LCMT2: variants seen among roughly 807,000 people sequenced by gnomAD.
LCMT2 encodes the protein tRNA wybutosine-synthesizing protein 4.
A neutral mutation model predicts 42.0 loss-of-function variants in LCMT2; 34 were observed. That is an observed-to-expected ratio of 0.81 (90% CI 0.62 to 1.08). The LOEUF (loss-of-function observed/expected upper bound fraction) is 1.08, where lower values mean the gene tolerates loss of function less well. Ranked by LOEUF, LCMT2 falls within the 50% of genes least tolerant of loss-of-function variation. The pLI is 0.00. For synonymous variants in LCMT2, 445 were observed against 369.5 expected, an observed-to-expected ratio of 1.20 and a Z score of -2.34; for missense variants, 1,091 against 889.4, an observed-to-expected ratio of 1.23 and a Z score of -2.88.
chr15:43,329,021 T>G lies in LCMT2; in HGVS notation c.1469A>C (p.Gln490Pro). 6.2e-7 allele frequency: 1 copy of G among 1,614,236 alleles called. No individual in the cohort carries two copies. Among genetic ancestry groups the G allele is most frequent in the Non-Finnish European group, 8.5e-7 (1 of 1,180,048 alleles). ...ATACACAAACAAATATTCCTGATTCTGACAGGACACTTCTGTTGTTGAATG... is the reference window on the plus strand; with the variant it reads ...ATACACAAACAAATATTCCTGATTCGGACAGGACACTTCTGTTGTTGAATG... The part of the protein sequence containing the change: ...WRHSTTEVSC[Q>P]NQEYLFVYGG... The change falls in exon 1 of 1, where the codon CAG (glutamine) becomes CCG (proline). Residue 490 changes from glutamine to proline, a missense_variant. Gln to Pro is a moderately conservative substitution (Grantham distance 76). Transcript: ENST00000305641.
chr15:43,328,255 G>T lies in LCMT2; in HGVS notation c.*174C>A, dbSNP rs1295994100. The T allele has an allele frequency of 4.9e-5, 32 of 652,262 alleles. 1 individual carries two copies. In the South Asian group the frequency reaches 6.0e-4, roughly 12 times the overall value. 40.4% of individuals were successfully genotyped at this position (652,262 alleles called of 1,614,324 possible). A position where few individuals can be genotyped will look rare whatever the true frequency, so the allele number is the denominator to read the frequency against. On this transcript the variant is annotated 3_prime_UTR_variant, in exon 1 of 1. Transcript: ENST00000305641. Reference sequence around the variant, plus strand: ...TCTTCAGCTGTTTTCTGTAGTGATTGTTTCTAGGTATTTTACCTATTTTAC... The same window carrying T: ...TCTTCAGCTGTTTTCTGTAGTGATTTTTTCTAGGTATTTTACCTATTTTAC...
chr15:43,329,530 G>A lies in LCMT2; in HGVS notation c.960C>T (p.Thr320=), dbSNP rs2043151141. The A allele has an allele frequency of 1.9e-6, 3 of 1,614,070 alleles. No homozygotes were observed. The highest frequency in any genetic ancestry group is 1.3e-5 in the African/African-American group (1 of 74,948). Residue 320 remains threonine, a synonymous_variant, in exon 1 of 1, where the codon ACC becomes ACT. Transcript: ENST00000305641. The stretch of plus-strand genomic sequence containing the variant: ...ATGCCTCTGAGGATGGAAACACTAG[G>A]GTGTGGGAGAGGGTGTCTCCCCTAG... ...AASRGDTLSH[T]LVFPSSEAFP...
At position 43,329,990 on chromosome 15, in the gene LCMT2, C is replaced by T. The variant is rs774538832; in HGVS notation, c.500G>A (p.Arg167Gln). 1.9e-6 allele frequency: 3 copies of T among 1,612,518 alleles called. No homozygotes were observed. The highest frequency in any genetic ancestry group is 1.1e-5 in the South Asian group (1 of 91,084). Residue 167 changes from arginine to glutamine, a missense_variant, in exon 1 of 1, where the codon CGA (arginine) becomes CAA (glutamine). By Grantham distance (43) the Arg-to-Gln change is conservative. Transcript: ENST00000305641. The stretch of plus-strand genomic sequence containing the variant: ...CGCGGCGCCCAGGGCCTCCTCCACT[C>T]GCTGGAGCTGCCGCAAGTCCAGACC... ...ILGLDLRQLQRVEEALGAAGL... is the reference protein window; with the variant it reads ...ILGLDLRQLQQVEEALGAAGL...
chr15:43,328,696 C>T lies in LCMT2; in HGVS notation c.1794G>A (p.Leu598=). The part of the protein sequence containing the change: ...SHTAHVLNGK[L]LLVGGIWIHS... The stretch of plus-strand genomic sequence containing the variant: ...GAATCCAGATCCCTCCAACCAGTAA[C>T]AGCTTTCCATTGAGCACATGAGCTG... The change falls in exon 1 of 1, where the codon CTG becomes CTA. Residue 598 remains leucine (L), a synonymous_variant. Coordinates refer to ENST00000305641, the MANE Select transcript of LCMT2 (RefSeq NM_014793.5). 6.2e-7 allele frequency: 1 copy of T among 1,614,228 alleles called. No homozygotes were observed. The highest frequency in any genetic ancestry group is 8.5e-7 in the Non-Finnish European group (1 of 1,180,040).
chr15:43,330,293 C>T lies in LCMT2; in HGVS notation c.197G>A (p.Cys66Tyr), dbSNP rs758781799. The change falls in exon 1 of 1, where the codon TGC becomes TAC. Residue 66 changes from cysteine (C) to tyrosine (Y), a missense_variant. Cys to Tyr is a radical substitution (Grantham distance 194). Transcript: ENST00000305641. ...YYVRARAVRHCVRAFLEQIGA... is the reference protein window; with the variant it reads ...YYVRARAVRHYVRAFLEQIGA... Reference sequence around the variant, plus strand: ...AATCTGCTCCAAAAAAGCGCGCACGCAGTGCCTCACGGCGCGTGCGCGGAC... The same window carrying T: ...AATCTGCTCCAAAAAAGCGCGCACGTAGTGCCTCACGGCGCGTGCGCGGAC... The T allele has an allele frequency of 1.9e-6, 3 of 1,594,476 alleles. No individual in the cohort carries two copies. In the South Asian group the frequency reaches 3.4e-5, roughly 18 times the overall value.
chr15:43,329,286 C>T lies in LCMT2; in HGVS notation c.1204G>A (p.Gly402Ser), dbSNP rs750456550. The T allele has an allele frequency of 6.8e-6, 11 of 1,614,062 alleles. No individual in the cohort carries two copies. Among genetic ancestry groups the T allele is most frequent in the Non-Finnish European group, 9.3e-6 (11 of 1,180,028 alleles). The stretch of plus-strand genomic sequence containing the variant: ...GTCCCACAACTGCCTATTTGGCTGC[C>T]TTTCCATTCAGAGTCACAATCTCTT... ...LSRDCDSEWK[G>S]SQIGSCGTGV... Residue 402 changes from glycine (G) to serine (S), a missense_variant, in exon 1 of 1, where the codon GGC becomes AGC. Gly to Ser is a moderately conservative substitution (Grantham distance 56). Coordinates refer to ENST00000305641, the MANE Select transcript of LCMT2 (RefSeq NM_014793.5).
At position 43,328,430 on chromosome 15, in the gene LCMT2, T is replaced by C. The variant is rs1218607843; in HGVS notation, c.2060A>G (p.Ter687=). The C allele has an allele frequency of 1.9e-6, 3 of 1,612,260 alleles. No homozygotes were observed. Among genetic ancestry groups the C allele is most frequent in the South Asian group, 1.1e-5 (1 of 90,858 alleles). The change falls in exon 1 of 1, where the codon TAA becomes TGA. Residue 687 remains the stop codon, a stop_retained_variant. Transcript: ENST00000305641. ...GGGTCCTGAATATTAGTCCAGTCCTTACTGCCCAGCACTTAAGGAAGAAAG... is the reference window on the plus strand; with the variant it reads ...GGGTCCTGAATATTAGTCCAGTCCTCACTGCCCAGCACTTAAGGAAGAAAG... ...LDLSSLSAGQ[*]
chr15:43,325,260 C>G lies in LCMT2; in HGVS notation c.*3169G>C, dbSNP rs1462415008. 1 of 152,178 alleles carries G rather than the reference C, an allele frequency of 6.6e-6. No individual in the cohort carries two copies. The allele number at this position is 152,178 out of a possible 1,614,324, so 9.4% of individuals were successfully genotyped here. The stretch of plus-strand genomic sequence containing the variant: ...CTGTTCATTAACTCTCATAACTACT[C>G]CAGAGCTCCGTATCAGAATTTTAGA... On this transcript the variant is annotated 3_prime_UTR_variant, in exon 1 of 1. Coordinates refer to ENST00000305641, the MANE Select transcript of LCMT2 (RefSeq NM_014793.5).
rs2043169775 is a variant in LCMT2 at position 43,330,268 on chromosome 15, A to C, written c.222T>G (p.Ile74Met). The change falls in exon 1 of 1, where the codon ATT becomes ATG. Residue 74 changes from isoleucine (I) to methionine (M), a missense_variant. Physicochemically the swap from Ile to Met is conservative, Grantham distance 10 (BLOSUM62 1). Transcript: ENST00000305641. ...RHCVRAFLEQ[I>M]GAPQAALRAQ... ...CGCGAAGCGCGGCCTGGGGCGCGCC[A>C]ATCTGCTCCAAAAAAGCGCGCACGC... 3.8e-6 allele frequency: 6 copies of C among 1,599,368 alleles called. No individual in the cohort carries two copies. The highest frequency in any genetic ancestry group is 4.2e-6 in the Non-Finnish European group (5 of 1,177,130).
At position 43,328,810 on chromosome 15, in the gene LCMT2, G is replaced by A. The variant is rs1359987233; in HGVS notation, c.1680C>T (p.Asn560=). 6.2e-7 allele frequency: 1 copy of A among 1,613,498 alleles called. No individual in the cohort carries two copies. The highest frequency in any genetic ancestry group is 2.2e-5 in the East Asian group (1 of 44,886). Residue 560 remains asparagine, a synonymous_variant, in exon 1 of 1, where the codon AAC becomes AAT. Coordinates refer to ENST00000305641, the MANE Select transcript of LCMT2 (RefSeq NM_014793.5). ...AGATTGGTCTCAGAAAGAGCACAGAGTTCAATGGCTCCTCAGAAGCCCCGA... is the reference window on the plus strand; with the variant it reads ...AGATTGGTCTCAGAAAGAGCACAGAATTCAATGGCTCCTCAGAAGCCCCGA... ...GGLGASEEPL[N]SVLFLRPISC...
chr15:43,330,209 G>T lies in LCMT2; in HGVS notation c.281C>A (p.Ser94Ter), dbSNP rs747111456. 1 of 1,611,572 alleles carries T rather than the reference G, an allele frequency of 6.2e-7. No individual in the cohort carries two copies. The highest frequency in any genetic ancestry group is 8.5e-7 in the Non-Finnish European group (1 of 1,179,856). The change falls in exon 1 of 1, where the codon TCG becomes TAG. Residue 94 changes from serine to a stop codon, truncating the protein, a stop_gained. Coordinates refer to ENST00000305641, the MANE Select transcript of LCMT2 (RefSeq NM_014793.5). LOFTEE classifies it high-confidence loss of function. ...QILSLGAGFDSLYFRLKTAGR... is the reference protein window; with the variant it reads ...QILSLGAGFD ...CGCGGTTTTTAAGCGAAAATAGAGC[G>T]AGTCGAAGCCAGCGCCGAGAGACAA... is the stretch of plus-strand genomic sequence containing the variant.
rs371881224 is a variant in LCMT2, at chr15:43,328,851, G to C, written c.1639C>G (p.Leu547Val). ...HSACTWQGGALIAGGLGASEE... is the reference protein window; with the variant it reads ...HSACTWQGGAVIAGGLGASEE... ...GAAGCCCCGAGACCTCCAGCAATAA[G>C]GGCTCCCCCTTGCCAAGTGCAGGCA... Residue 547 changes from leucine (L) to valine (V), a missense_variant, in exon 1 of 1, where the codon CTT becomes GTT. By Grantham distance (32) the Leu-to-Val change is conservative. Coordinates refer to ENST00000305641, the MANE Select transcript of LCMT2 (RefSeq NM_014793.5). 1.5e-5 allele frequency: 24 copies of C among 1,613,602 alleles called. No individual in the cohort carries two copies. The African/African-American group carries it at 1.7e-4, about 12-fold the overall frequency.
Position 43,330,181 on chromosome 15 carries a change from G to A in LCMT2, c.309C>T (p.Gly103=), listed in dbSNP as rs541296431. Residue 103 remains glycine, a synonymous_variant, in exon 1 of 1, where the codon GGC becomes GGT. Transcript: ENST00000305641. ...CCCAGACTGCAGCCCGGGCCAGGCG[G>A]CCCGCGGTTTTTAAGCGAAAATAGA... ...DSLYFRLKTA[G]RLARAAVWEV... 14 of 1,611,638 alleles carry A rather than the reference G, an allele frequency of 8.7e-6. No homozygotes were observed. The East Asian group carries it at 2.5e-4, about 28-fold the overall frequency.
In LCMT2 at chr15:43,328,743, TG is replaced by T; in HGVS notation, c.1746del (p.Ile583LeufsTer32). On this transcript the variant is annotated frameshift_variant, in exon 1 of 1. Coordinates refer to ENST00000305641, the MANE Select transcript of LCMT2 (RefSeq NM_014793.5). LOFTEE classifies it high-confidence loss of function. Reference protein sequence around the residue: ...FLWESVDIQPPITPRYSHTAH... With the variant: ...FLWESVDIQPXITPRYSHTAH... ...GCTGTGTGGGAGTACCTTGGGGTAA[TG>T]GGAGGCTGGATGTCTACTGACTCCC... The T allele has an allele frequency of 6.2e-7, 1 of 1,613,886 alleles. No homozygotes were observed.
At position 43,328,596 on chromosome 15, in the gene LCMT2, T is replaced by C. The variant is rs749919553; in HGVS notation, c.1894A>G (p.Thr632Ala). The C allele has an allele frequency of 6.2e-7, 1 of 1,614,188 alleles. No individual in the cohort carries two copies. Among genetic ancestry groups the C allele is most frequent in the East Asian group, 2.2e-5 (1 of 44,894 alleles). The change falls in exon 1 of 1, where the codon ACA becomes GCA. Residue 632 changes from threonine to alanine, a missense_variant. By Grantham distance (58) the Thr-to-Ala change is moderately conservative. Coordinates refer to ENST00000305641, the MANE Select transcript of LCMT2 (RefSeq NM_014793.5). ...AACATTAATGGCCATGGCACATATG[T>C]TGTGTCAATCTGATACTCAGAGCTC... is the stretch of plus-strand genomic sequence containing the variant. ...GLSSEYQIDT[T>A]YVPWPLMLHN...
rs768550246 is a variant in LCMT2, at chr15:43,328,767, C to T, written c.1723G>A (p.Glu575Lys). The T allele has an allele frequency of 6.2e-7, 1 of 1,613,610 alleles. No individual in the cohort carries two copies. Among genetic ancestry groups the T allele is most frequent in the South Asian group, 1.1e-5 (1 of 91,078 alleles). ...LRPISCGFLW[E>K]SVDIQPPITP... ...ATGGGAGGCTGGATGTCTACTGACTCCCAGAGGAATCCACAAGAGATTGGT... is the reference window on the plus strand; with the variant it reads ...ATGGGAGGCTGGATGTCTACTGACTTCCAGAGGAATCCACAAGAGATTGGT... The change falls in exon 1 of 1, where the codon GAG becomes AAG. Residue 575 changes from glutamate (E) to lysine (K), a missense_variant. Coordinates refer to ENST00000305641, the MANE Select transcript of LCMT2 (RefSeq NM_014793.5).
At position 43,329,269 on chromosome 15, in the gene LCMT2, ACTGC is replaced by A; in HGVS notation, c.1217_1220del (p.Gly406ValfsTer16). The A allele has an allele frequency of 1.2e-6, 2 of 1,613,996 alleles. No homozygotes were observed. Among genetic ancestry groups the A allele is most frequent in the Non-Finnish European group, 1.7e-6 (2 of 1,180,024 alleles). On this transcript the variant is annotated frameshift_variant, in exon 1 of 1. Coordinates refer to ENST00000305641, the MANE Select transcript of LCMT2 (RefSeq NM_014793.5). LOFTEE classifies it high-confidence loss of function. ...CATCCCACTGAACTCCAGTCCCACAACTGCCTATTTGGCTGCCTTTCCATTCAGA... is the reference window on the plus strand; with the variant it reads ...CATCCCACTGAACTCCAGTCCCACAACTATTTGGCTGCCTTTCCATTCAGA...
In LCMT2 at chr15:43,329,942, G is replaced by A. The variant is rs2043160847; in HGVS notation, c.548C>T (p.Thr183Ile). Residue 183 changes from threonine to isoleucine, a missense_variant, in exon 1 of 1, where the codon ACT becomes ATT. Thr to Ile is a moderately conservative substitution (Grantham distance 89). Coordinates refer to ENST00000305641, the MANE Select transcript of LCMT2 (RefSeq NM_014793.5). ...GAAGLDAASP[T>I]LLLAEAVLTY... Reference sequence around the variant, plus strand: ...CAGCACCGCCTCGGCCAGGAGCAGAGTGGGTGAGGCTGCGTCGAGCCCCGC... The same window carrying A: ...CAGCACCGCCTCGGCCAGGAGCAGAATGGGTGAGGCTGCGTCGAGCCCCGC... 6.2e-7 allele frequency: 1 copy of A among 1,612,670 alleles called. No individual in the cohort carries two copies. Among genetic ancestry groups the A allele is most frequent in the Non-Finnish European group, 8.5e-7 (1 of 1,179,824 alleles).
Position 43,328,379 on chromosome 15 carries a change from T to C in LCMT2, c.*50A>G, listed in dbSNP as rs1275730445. 1 of 1,548,256 alleles carries C rather than the reference T, an allele frequency of 6.5e-7. No individual in the cohort carries two copies. Among genetic ancestry groups the C allele is most frequent in the Admixed American group, 1.9e-5 (1 of 52,616 alleles). ...TATAGCTAGAGGGTCATCCTATTTG[T>C]GGAAAACTTTATTGTCTACTTTAGT... On this transcript the variant is annotated 3_prime_UTR_variant, in exon 1 of 1. Coordinates refer to ENST00000305641, the MANE Select transcript of LCMT2 (RefSeq NM_014793.5).
Sources: allele counts gnomAD v4.1 joint callset, GRCh38; gene constraint gnomAD v4.1.1; transcripts MANE v1.5; gene names NCBI Gene and HGNC (gene_info 2026-07-23, HGNC 2026-07-21).